Variants in MRTFB observed in about 807,000 individuals in gnomAD.
The protein encoded by MRTFB is myocardin related transcription factor B.
MRTFB carries 29 observed loss-of-function variants against 104.2 expected under a neutral mutation model. That is an observed-to-expected ratio of 0.28 (90% CI 0.21 to 0.38). The LOEUF (loss-of-function observed/expected upper bound fraction) is 0.38, where lower values mean the gene tolerates loss of function less well. Among genes scored for constraint, MRTFB ranks in the 10% least tolerant of loss-of-function variants. The probability of loss-of-function intolerance (pLI) is 1.00; values close to 1 mark genes in which losing one functional copy is unlikely to be tolerated. For synonymous variants in MRTFB, 535 were observed against 519.5 expected (o/e 1.03, Z -0.41); for missense variants, 1,270 against 1,341.6 (o/e 0.95, Z 0.83).
chr16:14,201,521 C>T (rs1233319332), intron 3 of MRTFB, among the ~76,000 whole-genome samples: 1 of 152,158 alleles, frequency 6.6e-6, no homozygotes, highest in Admixed American at 6.5e-5. Flanking sequence ...CAAGTGAAAA[C>T]AGTTAGGGCC....
At chr16:14,071,739 G>A (rs2033711491) in intron 1 of MRTFB, among the ~76,000 whole-genome samples, 1 of 152,272 alleles carries the variant, frequency 6.6e-6, no homozygotes, top group East Asian at 1.9e-4. Flanking sequence ...ACAGAGAGGT[G>A]GAGCGCCCGG....
intron 15 of MRTFB, among the ~76,000 whole-genome samples, chr16:14,255,587 T>C (rs376745002): frequency 6.6e-6 from 1 of 152,232 alleles, no homozygotes; most frequent in South Asian, 2.1e-4. Flanking sequence ...TAAAGAAAAA[T>C]TGAGTTAGTT....
chr16:14,116,756 C>T (rs2036564071), intron 2 of MRTFB, among the ~76,000 whole-genome samples: 1 of 152,168 alleles, frequency 6.6e-6, no homozygotes. Flanking sequence ...CAGTAACCCT[C>T]CTTCCCATTG....
In MRTFB at chr16:14,246,587, G is replaced by T. The variant is rs748371457; in HGVS notation, c.1327G>T (p.Ala443Ser). 7 of 1,614,146 alleles carry T rather than the reference G, an allele frequency of 4.3e-6. No individual in the cohort carries two copies. The highest frequency in any genetic ancestry group is 3.3e-5 in the South Asian group (3 of 91,080). The change falls in exon 12 of 17, where the codon GCT (alanine) becomes TCT (serine). Residue 443 changes from alanine to serine, a missense_variant. This residue lies in a region of MRTFB where 1,144 missense variants were observed against 1,131.5 expected (regional missense o/e 1.01). Transcript: ENST00000571589. ...YQEVNSSGLA[A>S]GGIVAVSSSA... ...GGAAGTGAACAGCAGCGGCCTTGCT[G>T]CTGGGGGCATCGTGGCAGTGTCATC...
intron 8 of MRTFB, among the ~76,000 whole-genome samples, chr16:14,227,807 G>T (rs759233639): frequency 7.9e-5 from 12 of 152,122 alleles, no homozygotes; most frequent in Non-Finnish European, 1.6e-4. Flanking sequence ...ACCACGCCCT[G>T]CCAAATATTT....
chr16:14,193,736 G>T (rs2040302727), intron 3 of MRTFB: 1 of 152,158 alleles, frequency 6.6e-6, no homozygotes, highest in South Asian at 2.1e-4. Flanking sequence ...CCAGGAAAGT[G>T]TTCGTGGGGC....
At chr16:14,148,094 A>G (rs980717956) in intron 3 of MRTFB, among the ~76,000 whole-genome samples, 2 of 152,246 alleles carry the variant, frequency 1.3e-5, no homozygotes, top group Non-Finnish European at 2.9e-5. Context: ...ACTAAAACAA[A>G]TTTATTAAGA....
chr16:14,150,497 G>A (rs897521025), intron 3 of MRTFB, among the ~76,000 whole-genome samples: 2 of 152,016 alleles, frequency 1.3e-5, no homozygotes, highest in African/African-American at 2.4e-5. Context: ...TGTTATATGC[G>A]TTATGTACTG....
rs181715183 is a variant in MRTFB at position 14,176,454 on chromosome 16, A to G, written c.155-33789A>G. Reference sequence around the variant, plus strand: ...AGCCTTTCTCAGCCCAGAGAATTAAACCCTACAAATGTGATTTCTGTGACT... The same window carrying G: ...AGCCTTTCTCAGCCCAGAGAATTAAGCCCTACAAATGTGATTTCTGTGACT... On this transcript the variant is annotated intron_variant, in intron 3 of 16. Transcript: ENST00000571589. Among the ~76,000 whole-genome samples the G allele has an allele frequency of 3.5e-3, 528 of 152,280 alleles. 1 individual carries two copies. The highest frequency in any genetic ancestry group is 6.3e-3 in the Non-Finnish European group (427 of 68,018).
chr16:14,081,291 C>CT (rs995694902), intron 2 of MRTFB, among the ~76,000 whole-genome samples: 22,909 of 121,420 alleles, frequency 0.19, 3,859 homozygotes, highest in African/African-American at 0.43. Context: ...CGTATGCTGC[C>CT]TTTTTTTTTT....
At chr16:14,198,616 C>T (rs1466816585) in intron 3 of MRTFB, among the ~76,000 whole-genome samples, 1 of 152,362 alleles carries the variant, frequency 6.6e-6, no homozygotes, top group East Asian at 1.9e-4. Flanking sequence ...TCACAGTCTA[C>T]AGTGATTATT....
the MRTFB span, among the ~76,000 whole-genome samples, chr16:14,010,974 T>C: frequency 6.6e-6 from 1 of 152,192 alleles, no homozygotes; most frequent in African/African-American, 2.4e-5. Flanking sequence ...AAAGCTGTAA[T>C]GAAGATGACT....
the MRTFB span, among the ~76,000 whole-genome samples, chr16:14,016,220 A>G: frequency 1.3e-5 from 2 of 152,136 alleles, no homozygotes; most frequent in South Asian, 4.1e-4. Context: ...AAGTTAGAAG[A>G]GTCATCTCGG....
At chr16:14,173,869 C>T (rs2039498366) in intron 3 of MRTFB, among the ~76,000 whole-genome samples, 1 of 152,080 alleles carries the variant, frequency 6.6e-6, no homozygotes, top group Non-Finnish European at 1.5e-5. Context: ...AAATGCATGG[C>T]ATAGGTCCTG....
chr16:14,213,021 C>A (rs1358953276), intron 5 of MRTFB, among the ~76,000 whole-genome samples: 1 of 152,082 alleles, frequency 6.6e-6, no homozygotes, highest in Non-Finnish European at 1.5e-5. Context: ...CCAAAATTTT[C>A]TTAAGAATTT....
the MRTFB span, among the ~76,000 whole-genome samples, chr16:14,063,864 T>C: frequency 1.3e-5 from 2 of 152,252 alleles, no homozygotes; most frequent in African/African-American, 4.8e-5. Flanking sequence ...ATTTTCTGTA[T>C]CCAGTATACT....
intron 12 of MRTFB, 178 bp from the exon 13 acceptor site, chr16:14,248,746 CCT>C (rs1184422505): frequency 3.1e-5 from 18 of 576,632 alleles, no homozygotes; most frequent in Middle Eastern, 8.0e-4. Context: ...CTGATGTTTC[CCT>C]CTCTGGTTTA....
chr16:14,237,237 G>C (rs2042557605), intron 9 of MRTFB, among the ~76,000 whole-genome samples: 1 of 152,230 alleles, frequency 6.6e-6, no homozygotes, highest in South Asian at 2.1e-4. Context: ...AGGTGAAAAA[G>C]CTGTGCAAGA....
upstream of MRTFB, among the ~76,000 whole-genome samples, chr16:14,068,026 T>G (rs1463602055): frequency 6.6e-6 from 1 of 151,956 alleles, no homozygotes; most frequent in Non-Finnish European, 1.5e-5. Flanking sequence ...GAGATGGGGA[T>G]TCAACATGTT....
Sources: allele counts gnomAD v4.1 joint callset (sites outside exome capture counted in the v4.1 genomes callset), GRCh38; gene constraint gnomAD v4.1.1; regional missense constraint gnomAD v4.1.1; transcripts MANE v1.5; gene names NCBI Gene and HGNC (gene_info 2026-07-23, HGNC 2026-07-21).